The following LRP6 variants were observed in gnomAD, a reference collection of about 807,000 sequenced individuals.
LRP6 encodes the protein low-density lipoprotein receptor-related protein 6.
Under a neutral mutation model 184.1 loss-of-function variants are expected in LRP6, and 43 were observed. The observed-to-expected ratio is 0.23, with a 90% CI of 0.18 to 0.30. LRP6 has a LOEUF of 0.30. LRP6 is among the 10% of genes least tolerant of loss of function. The pLI is 1.00. For missense variants in LRP6, 1,571 were observed against 2,005.3 expected (o/e 0.78, Z 4.14); for synonymous variants, 719 against 684.9 (o/e 1.05, Z -0.78).
chr12:12,127,065 C>A (rs1460817100), intron 19 of LRP6, 144 bp from the exon 20 acceptor site: 1 of 706,878 alleles, frequency 1.4e-6, no homozygotes, highest in Non-Finnish European at 2.5e-6. Flanking sequence ...TTTATGAGTA[C>A]ATACATACCA....
chr12:12,137,933 T>G (rs1313570255), intron 16 of LRP6, among the ~76,000 whole-genome samples: 1 of 151,476 alleles, frequency 6.6e-6, no homozygotes, highest in Non-Finnish European at 1.5e-5. Context: ...GAGGCCAAGG[T>G]GGGCAGATCA....
At position 12,130,858 on chromosome 12, in the gene LRP6, C is replaced by T. The variant is rs750434597; in HGVS notation, c.4006G>A (p.Gly1336Ser). 4.3e-6 allele frequency: 7 copies of T among 1,612,174 alleles called. No homozygotes were observed. The highest frequency in any genetic ancestry group is 4.2e-6 in the Non-Finnish European group (5 of 1,178,360). Residue 1336 changes from glycine (G) to serine (S), a missense_variant, in exon 19 of 23, where the codon GGT (glycine) becomes AGT (serine). Transcript: ENST00000261349. Reference protein sequence around the residue: ...CLIDQFRCANGQCIGKHKKCD... With the variant: ...CLIDQFRCANSQCIGKHKKCD... ...TTCTTGTGCTTTCCAATGCACTGAC[C>T]ATTGGCACAGCGGAACTGATCAATT...
intron 2 of LRP6, among the ~76,000 whole-genome samples, chr12:12,233,240 G>C (rs924070318): frequency 8.5e-5 from 13 of 152,102 alleles, no homozygotes; most frequent in African/African-American, 3.1e-4. Context: ...AGCCAAGGTG[G>C]GTGGATCACA....
At chr12:12,253,478 G>A (rs4763790) in intron 1 of LRP6, among the ~76,000 whole-genome samples, 15,445 of 151,584 alleles carry the variant, frequency 0.1, 1,031 homozygotes, top group Non-Finnish European at 0.15. Context: ...ACAACGTGCA[G>A]GTTTGTTACA....
chr12:12,133,756 A>G (rs1286474812), intron 17 of LRP6, among the ~76,000 whole-genome samples: 3 of 148,150 alleles, frequency 2.0e-5, no homozygotes, highest in Non-Finnish European at 4.4e-5. Flanking sequence ...AGTTTTATCC[A>G]TGTTATCATT....
intron 12 of LRP6, among the ~76,000 whole-genome samples, chr12:12,157,668 TTCTC>T (rs909734041): frequency 6.6e-6 from 1 of 152,196 alleles, no homozygotes; most frequent in African/African-American, 2.4e-5. Context: ...TTCTGACACA[TTCTC>T]TCAAGCACAA....
chr12:12,197,179 G>C (rs2417086), intron 3 of LRP6, among the ~76,000 whole-genome samples: 1 of 151,966 alleles, frequency 6.6e-6, no homozygotes, highest in Non-Finnish European at 1.5e-5. Context: ...GGTTTCTACC[G>C]ATCTCTGGCC....
chr12:12,229,438 C>A (rs1318618498), intron 2 of LRP6, among the ~76,000 whole-genome samples: 2 of 150,004 alleles, frequency 1.3e-5, no homozygotes, highest in African/African-American at 4.9e-5. Context: ...TCTCCCTTAA[C>A]TCAGCCATTT....
rs77256828 is a variant in LRP6 at position 12,230,492 on chromosome 12, T to C, written c.449+13770A>G. ...CATACACAGGTGACTAATTAAGACA[T>C]TGAGACTTGAGCTATAAAAACTAAG... On this transcript the variant is annotated intron_variant, in intron 2 of 22. Transcript: ENST00000261349. 4.1e-3 allele frequency among the ~76,000 whole-genome samples: 619 copies of C among 152,240 alleles called. 5 individuals carry two copies. Among genetic ancestry groups the C allele is most frequent in the African/African-American group, 0.014 (585 of 41,516 alleles).
chr12:12,243,083 C>G (rs1214511317), intron 2 of LRP6, among the ~76,000 whole-genome samples: 1 of 152,108 alleles, frequency 6.6e-6, no homozygotes, highest in Non-Finnish European at 1.5e-5. Flanking sequence ...TGGATTTTAA[C>G]CAAATATTAG....
intron 1 of LRP6, chr12:12,249,329 C>A: frequency 8.7e-7 from 1 of 1,152,962 alleles, no homozygotes; most frequent in Non-Finnish European, 1.3e-6. Context: ...TGGCAGAATT[C>A]ACAGCACCAA....
In LRP6 at chr12:12,164,349, G is replaced by C; in HGVS notation, c.1976C>G (p.Thr659Ser). 6.2e-7 allele frequency: 1 copy of C among 1,614,096 alleles called. No individual in the cohort carries two copies. The highest frequency in any genetic ancestry group is 8.5e-7 in the Non-Finnish European group (1 of 1,179,964). Residue 659 changes from threonine to serine, a missense_variant, in exon 9 of 23, where the codon ACT (threonine) becomes AGT (serine). Coordinates refer to ENST00000261349, the MANE Select transcript of LRP6 (RefSeq NM_002336.3). ...TNNNNVAIPL[T>S]GVKEASALDF... ...CAAAGCAGAAGCTTCTTTGACACCA[G>C]TGAGTGGAATAGCCACATTATTATT...
intron 7 of LRP6, among the ~76,000 whole-genome samples, chr12:12,177,943 T>G (rs761857735): frequency 6.6e-6 from 1 of 151,888 alleles, no homozygotes. Context: ...AAAACAGGTT[T>G]AAGGATGCTG....
chr12:12,156,294 T>G (rs1192741381), intron 12 of LRP6, among the ~76,000 whole-genome samples: 2 of 151,852 alleles, frequency 1.3e-5, no homozygotes, highest in African/African-American at 4.8e-5. Flanking sequence ...CCAAGCAGAG[T>G]AAACAAGCAG....
chr12:12,263,995 T>C (rs1016636764), intron 1 of LRP6, among the ~76,000 whole-genome samples: 4 of 150,812 alleles, frequency 2.7e-5, no homozygotes, highest in Admixed American at 6.6e-5. Flanking sequence ...CTACAAAAAA[T>C]TGGGGGCATA....
At chr12:12,147,250 T>C (rs537060865) in intron 15 of LRP6, 116 bp downstream of exon 15, 1 of 1,155,854 alleles carries the variant, frequency 8.7e-7, no homozygotes, top group African/African-American at 1.5e-5. Flanking sequence ...GCTGACTACA[T>C]TTAATGAATA....
At chr12:12,201,648 T>A (rs1591941691) in intron 3 of LRP6, among the ~76,000 whole-genome samples, 3 of 152,206 alleles carry the variant, frequency 2.0e-5, no homozygotes, top group African/African-American at 7.2e-5. Flanking sequence ...ATCCATGTTT[T>A]TGGATTTGCT....
intron 15 of LRP6, chr12:12,138,955 GA>G: frequency 7.3e-7 from 1 of 1,364,432 alleles, no homozygotes; most frequent in Non-Finnish European, 9.8e-7. Flanking sequence ...AACACAATTA[GA>G]AAAAATGACT....
rs111235222 is a variant in LRP6 at position 12,185,826 on chromosome 12, T to G, written c.844+1097A>C. Among the ~76,000 whole-genome samples the G allele has an allele frequency of 1.4e-4, 21 of 148,878 alleles. 1 individual carries two copies. Among genetic ancestry groups the G allele is most frequent in the African/African-American group, 4.6e-4 (19 of 41,008 alleles). On this transcript the variant is annotated intron_variant, in intron 4 of 22. Transcript: ENST00000261349. ...TTTCATTTAAAAAGAAGAGGCGTTT[T>G]TGTGTGTGTGTGTGTTTTTTGTTTT...
Sources: allele counts gnomAD v4.1 joint callset (sites outside exome capture counted in the v4.1 genomes callset), GRCh38; gene constraint gnomAD v4.1.1; transcripts MANE v1.5; gene names NCBI Gene and HGNC (gene_info 2026-07-23, HGNC 2026-07-21).